Variants in TCERG1L observed in about 807,000 individuals in gnomAD.
The protein encoded by TCERG1L is transcription elongation regulator 1 like.
Under a neutral mutation model 56.3 loss-of-function variants are expected in TCERG1L, and 37 were observed. That is an observed-to-expected ratio of 0.66 (90% CI 0.51 to 0.87). The LOEUF (loss-of-function observed/expected upper bound fraction) is 0.87. Among genes scored for constraint, TCERG1L ranks in the 40% least tolerant of loss-of-function variants. The probability of loss-of-function intolerance (pLI) is 0.00; values close to 1 mark genes in which losing one functional copy is unlikely to be tolerated. For synonymous variants in TCERG1L, 324 were observed against 326.3 expected, an observed-to-expected ratio of 0.99 and a Z score of 0.08; for missense variants, 799 against 774.2, an observed-to-expected ratio of 1.03 and a Z score of -0.38.
chr10:131,186,194 G>T (rs1364282405), intron 4 of TCERG1L, among the ~76,000 whole-genome samples: 1 of 152,184 alleles, frequency 6.6e-6, no homozygotes, highest in Non-Finnish European at 1.5e-5. Flanking sequence ...GTATTGCCAG[G>T]GGCTGAGGGG....
chr10:131,158,179 G>A (rs1184609033), intron 6 of TCERG1L, among the ~76,000 whole-genome samples: 5 of 152,266 alleles, frequency 3.3e-5, no homozygotes, highest in African/African-American at 9.6e-5. Context: ...CTCTAGCAGG[G>A]AGTACCAGCT....
intron 8 of TCERG1L, among the ~76,000 whole-genome samples, chr10:131,120,809 G>A (rs961400414): frequency 3.9e-5 from 6 of 152,174 alleles, no homozygotes; most frequent in African/African-American, 1.4e-4. Context: ...GGTCCACATC[G>A]ACCTCTCGGA....
At chr10:131,263,248 A>G (rs1433707162) in intron 3 of TCERG1L, among the ~76,000 whole-genome samples, 1 of 152,170 alleles carries the variant, frequency 6.6e-6, no homozygotes, top group Non-Finnish European at 1.5e-5. Context: ...AAAGTATGTC[A>G]TGGAATCTAC....
At chr10:131,272,616 G>A (rs766748802) in intron 3 of TCERG1L, among the ~76,000 whole-genome samples, 6 of 152,172 alleles carry the variant, frequency 3.9e-5, no homozygotes, top group African/African-American at 7.2e-5. Context: ...GTGTCTGTGT[G>A]GAGCCTCACC....
intron 5 of TCERG1L, among the ~76,000 whole-genome samples, chr10:131,164,857 A>C (rs938014001): frequency 8.5e-5 from 13 of 152,198 alleles, no homozygotes; most frequent in Non-Finnish European, 1.9e-4. Flanking sequence ...TCAATGCTCC[A>C]AAGTCCTCGT....
At chr10:131,209,469 G>A (rs936729316) in intron 4 of TCERG1L, among the ~76,000 whole-genome samples, 2 of 152,192 alleles carry the variant, frequency 1.3e-5, no homozygotes, top group Non-Finnish European at 2.9e-5. Context: ...AAAGCATTAG[G>A]GAATCACTGT....
intron 3 of TCERG1L, among the ~76,000 whole-genome samples, chr10:131,278,435 T>A (rs1846416674): frequency 6.6e-6 from 1 of 151,504 alleles, no homozygotes; most frequent in African/African-American, 2.4e-5. Flanking sequence ...CCTCCCGGGT[T>A]CAAGCAATTC....
chr10:131,120,722 G>A (rs1478063713), intron 8 of TCERG1L, among the ~76,000 whole-genome samples: 1 of 152,236 alleles, frequency 6.6e-6, no homozygotes, highest in African/African-American at 2.4e-5. Flanking sequence ...CAAATGCACT[G>A]ATGCCTTCAG....
chr10:131,248,016 C>T (rs1846058366), intron 4 of TCERG1L, among the ~76,000 whole-genome samples: 1 of 151,288 alleles, frequency 6.6e-6, no homozygotes, highest in Non-Finnish European at 1.5e-5. Context: ...CACATGCATA[C>T]ACTCACACAC....
intron 3 of TCERG1L, among the ~76,000 whole-genome samples, chr10:131,278,747 C>T (rs898601600): frequency 1.3e-5 from 2 of 149,312 alleles, no homozygotes; most frequent in Non-Finnish European, 3.0e-5. Context: ...TTGGTGTCCT[C>T]GCCTGCCCAG....
intron 4 of TCERG1L, among the ~76,000 whole-genome samples, chr10:131,203,086 T>C (rs1031874167): frequency 6.6e-6 from 1 of 152,142 alleles, no homozygotes; most frequent in Non-Finnish European, 1.5e-5. Context: ...GGAATTCCAC[T>C]TACAAATTCA....
intron 6 of TCERG1L, among the ~76,000 whole-genome samples, chr10:131,151,826 C>T (rs1173970064): frequency 1.3e-5 from 2 of 152,208 alleles, no homozygotes; most frequent in Admixed American, 6.5e-5. Flanking sequence ...CATACTTCCT[C>T]TAAAATCTAG....
intron 3 of TCERG1L, among the ~76,000 whole-genome samples, chr10:131,298,321 A>G (rs1846720365): frequency 6.6e-6 from 1 of 152,132 alleles, no homozygotes; most frequent in South Asian, 2.1e-4. Context: ...ATTACTTAGA[A>G]GCATTCTGTT....
intron 8 of TCERG1L, among the ~76,000 whole-genome samples, chr10:131,123,663 CCT>C (rs1348321993): frequency 6.6e-6 from 1 of 152,050 alleles, no homozygotes; most frequent in Non-Finnish European, 1.5e-5. Context: ...CTCCGACTGC[CCT>C]GAGTCCTGAC....
chr10:131,199,768 G>T (rs1845409737), intron 4 of TCERG1L, among the ~76,000 whole-genome samples: 1 of 152,176 alleles, frequency 6.6e-6, no homozygotes, highest in African/African-American at 2.4e-5. Context: ...GCAGTGCACA[G>T]CCAATCACTA....
chr10:131,119,860 C>A (rs968142091), intron 8 of TCERG1L, among the ~76,000 whole-genome samples: 4 of 152,174 alleles, frequency 2.6e-5, no homozygotes, highest in African/African-American at 9.7e-5. Flanking sequence ...AGGGAGGTAG[C>A]CTTACTGCAT....
At chr10:131,308,056 T>C (rs1176395591) in intron 3 of TCERG1L, among the ~76,000 whole-genome samples, 155 bp downstream of exon 3, 2 of 152,112 alleles carry the variant, frequency 1.3e-5, no homozygotes, top group East Asian at 1.9e-4. Flanking sequence ...CCAAGACTAG[T>C]TTTTTTTAAA....
At chr10:131,214,125 A>G (rs1411412879) in intron 4 of TCERG1L, among the ~76,000 whole-genome samples, 1 of 152,226 alleles carries the variant, frequency 6.6e-6, no homozygotes, top group East Asian at 1.9e-4. Flanking sequence ...TGAAGAATGT[A>G]GAAATGCACA....
At position 131,216,885 on chromosome 10, in the gene TCERG1L, C is replaced by T. The variant is rs542436124; in HGVS notation, c.856+43374G>A. ...AGGAAGAAGCTATGTCTCAAGAGAC[C>T]GCGGGGTGGTTCCCAAATCCCACTG... On this transcript the variant is annotated intron_variant, in intron 4 of 11. Transcript: ENST00000368642. Among the ~76,000 whole-genome samples the T allele has an allele frequency of 1.6e-3, 241 of 152,228 alleles. 1 individual carries two copies. Among genetic ancestry groups the T allele is most frequent in the African/African-American group, 5.3e-3 (220 of 41,546 alleles).
Sources: gnomAD v4.1 joint callset for allele counts (sites outside exome capture counted in the v4.1 genomes callset) on GRCh38, gnomAD v4.1.1 for gene constraint, MANE v1.5 for transcripts, NCBI Gene and HGNC (gene_info 2026-07-23, HGNC 2026-07-21) for gene names.